The following PRSS23 variants were observed in gnomAD, a reference collection of about 807,000 sequenced individuals.
The protein encoded by PRSS23 is protease, serine 23.
Under a neutral mutation model 34.7 loss-of-function variants are expected in PRSS23, and 25 were observed. The ratio of observed to expected loss-of-function variants is 0.72; its 90% confidence interval spans 0.53 to 1.01. PRSS23 has a LOEUF of 1.01. PRSS23 is among the 50% of genes least tolerant of loss of function. PRSS23 has a pLI of 0.00. For synonymous variants in PRSS23, 176 were observed against 186.6 expected (o/e 0.94, Z 0.46); for missense variants, 445 against 475.6 (o/e 0.94, Z 0.60).
intron 2 of PRSS23, among the ~76,000 whole-genome samples, chr11:86,892,525 G>GA (rs1209373992): frequency 6.6e-6 from 1 of 152,160 alleles, no homozygotes; most frequent in African/African-American, 2.4e-5. Context: ...CAGCGATATG[G>GA]AAGCAAAGGG....
chr11:86,915,120 C>T (rs990627510), intron 2 of PRSS23, among the ~76,000 whole-genome samples: 3 of 45,032 alleles, frequency 6.7e-5, no homozygotes, highest in Admixed American at 2.3e-4. Context: ...AAATGGAGAG[C>T]GTTTAATTGG....
intron 2 of PRSS23, among the ~76,000 whole-genome samples, chr11:86,834,402 C>G (rs114239384): frequency 1.3e-5 from 2 of 152,028 alleles, no homozygotes; most frequent in South Asian, 4.2e-4. Context: ...TTGGTTTTCC[C>G]GAGGGGATTA....
intron 2 of PRSS23, chr11:86,937,458 G>C (rs1193578485): frequency 2.0e-5 from 3 of 152,196 alleles, no homozygotes; most frequent in Admixed American, 2.0e-4. Flanking sequence ...CAGACGGTTA[G>C]GCATTCTAAG....
At chr11:86,853,665 G>T (rs528682355) in intron 2 of PRSS23, among the ~76,000 whole-genome samples, 5 of 152,264 alleles carry the variant, frequency 3.3e-5, no homozygotes, top group African/African-American at 1.2e-4. Context: ...CATTTTTGCT[G>T]TTGTGAATAA....
intron 2 of PRSS23, among the ~76,000 whole-genome samples, chr11:86,829,859 A>T (rs1948336571): frequency 6.6e-6 from 1 of 152,200 alleles, no homozygotes; most frequent in Non-Finnish European, 1.5e-5. Flanking sequence ...GTTTTGTCTC[A>T]GAGGAGTACT....
chr11:86,863,761 A>C (rs2134937530), intron 2 of PRSS23, among the ~76,000 whole-genome samples: 1 of 151,252 alleles, frequency 6.6e-6, no homozygotes, highest in Non-Finnish European at 1.5e-5. Flanking sequence ...ATGTTTTTAA[A>C]ATATTGACTT....
chr11:86,857,198 TG>T, intron 2 of PRSS23: 1 of 324,638 alleles, frequency 3.1e-6, no homozygotes, highest in Non-Finnish European at 5.8e-6. Context: ...ACTCCATTCC[TG>T]GGAGATGATG....
rs531426489 is a variant in PRSS23, at chr11:86,841,441, C to A, written c.206+17848C>A. Among the ~76,000 whole-genome samples, 24 of 150,280 alleles carry A rather than the reference C, an allele frequency of 1.6e-4. No homozygotes were observed. The South Asian group carries it at 4.8e-3, about 30-fold the overall frequency. On this transcript the variant is annotated intron_variant, in intron 2 of 2. Coordinates refer to the PRSS23 transcript ENST00000533902. ...CAGAAGTCAAAAAATAAGTTCAGAG[C>A]AGAACTGAAGGAGATAAGAGACACA... is the stretch of plus-strand genomic sequence containing the variant.
At chr11:86,856,306 A>G (rs545887046) in intron 2 of PRSS23, among the ~76,000 whole-genome samples, 1 of 148,536 alleles carries the variant, frequency 6.7e-6, no homozygotes, top group Non-Finnish European at 1.5e-5. Flanking sequence ...TTCATCATTG[A>G]AACAGTCTCT....
At chr11:86,904,934 T>G (rs1163675454) in intron 2 of PRSS23, among the ~76,000 whole-genome samples, 3 of 152,026 alleles carry the variant, frequency 2.0e-5, no homozygotes, top group African/African-American at 7.3e-5. Flanking sequence ...TGCATGCCTG[T>G]AGTCCCAGCT....
At chr11:86,847,990 C>T (rs2048134257) in intron 2 of PRSS23, among the ~76,000 whole-genome samples, 1 of 152,224 alleles carries the variant, frequency 6.6e-6, no homozygotes, top group Non-Finnish European at 1.5e-5. Context: ...CTCCATCTGG[C>T]CTCACTGAAG....
chr11:86,847,238 A>C (rs1038650746), intron 2 of PRSS23, among the ~76,000 whole-genome samples: 3 of 152,172 alleles, frequency 2.0e-5, no homozygotes, highest in Non-Finnish European at 4.4e-5. Context: ...GCTAATTCAG[A>C]GATTTCTCCT....
At chr11:86,837,900 T>C (rs34926341) in intron 2 of PRSS23, among the ~76,000 whole-genome samples, 9,160 of 152,264 alleles carry the variant, frequency 0.06, 346 homozygotes, top group Middle Eastern at 0.099. Context: ...CATTTCCAAC[T>C]GAGGTACCTG....
chr11:86,796,619 C>A, upstream of PRSS23, among the ~76,000 whole-genome samples: 1 of 111,056 alleles, frequency 9.0e-6, no homozygotes. Context: ...CCAGCCTGGG[C>A]GACAGAGCGA....
Position 86,882,412 on chromosome 11 carries a change from T to C in PRSS23, c.206+58819T>C, listed in dbSNP as rs113841470. On this transcript the variant is annotated intron_variant, in intron 2 of 2. Transcript: ENST00000533902. ...TGTGTTGTTCCCCTCTATGTGTCCA[T>C]GTGTTCTCATTATTTAGCTCCCACT... 6.9e-3 allele frequency among the ~76,000 whole-genome samples: 1,050 copies of C among 152,320 alleles called. 11 individuals are homozygous for C. The highest frequency in any genetic ancestry group is 0.024 in the African/African-American group (1,017 of 41,564).
At chr11:86,859,932 T>C (rs535955325) in intron 2 of PRSS23, among the ~76,000 whole-genome samples, 1 of 152,038 alleles carries the variant, frequency 6.6e-6, no homozygotes, top group African/African-American at 2.4e-5. Flanking sequence ...CCCCGTGATA[T>C]TGTTACTATT....
chr11:86,952,538 A>G, exon 3 of PRSS23: 1 of 1,566,958 alleles, frequency 6.4e-7, no homozygotes, highest in Non-Finnish European at 8.7e-7. Flanking sequence ...AAATGCTCCC[A>G]CAAAGCTGAG....
At chr11:86,939,432 T>TTTTTTTAAA (rs1555084024) in intron 2 of PRSS23, among the ~76,000 whole-genome samples, 1 of 111,628 alleles carries the variant, frequency 9.0e-6, no homozygotes, top group Admixed American at 9.8e-5. Context: ...ATATATTTTT[T>TTTTTTTAAA]AACATGAGTA....
At chr11:86,814,416 G>A (rs1465801695), downstream of PRSS23, among the ~76,000 whole-genome samples, 2 of 152,056 alleles carry the variant, frequency 1.3e-5, no homozygotes, top group Admixed American at 1.3e-4. Flanking sequence ...CACCAATAAG[G>A]TTAAGGACAA....
Sources: allele counts gnomAD v4.1 joint callset (sites outside exome capture counted in the v4.1 genomes callset), GRCh38; gene constraint gnomAD v4.1.1; transcripts MANE v1.5; gene names NCBI Gene and HGNC (gene_info 2026-07-23, HGNC 2026-07-21).